Variants in CYP46A1 observed in about 807,000 individuals in gnomAD.
The protein encoded by CYP46A1 is cholesterol 24-hydroxylase.
CYP46A1 carries 20 observed loss-of-function variants against 63.3 expected under a neutral mutation model. That is an observed-to-expected ratio of 0.32 (90% CI 0.22 to 0.46). The LOEUF is 0.46. Ranked by LOEUF, CYP46A1 falls within the 20% of genes least tolerant of loss-of-function variation. The pLI, the probability that CYP46A1 is intolerant of heterozygous loss-of-function variation, is 1.00. For missense variants in CYP46A1, 445 were observed against 670.8 expected (o/e 0.66, Z 3.72); for synonymous variants, 268 against 273.6 (o/e 0.98, Z 0.20).
intron 5 of CYP46A1, among the ~76,000 whole-genome samples, chr14:99,704,774 G>A (rs534351200): frequency 6.6e-6 from 1 of 152,352 alleles, no homozygotes; most frequent in East Asian, 1.9e-4. Context: ...CAAGGGTGCT[G>A]TGGGAGCATA....
In CYP46A1 at chr14:99,706,764, C is replaced by T. The variant is rs1039828180; in HGVS notation, c.561C>T (p.Thr187=). The part of the protein sequence containing the change: ...PVSMQDMLTY[T]AMDILAKAAF... Reference sequence around the variant, plus strand: ...CCATGCAGGACATGCTGACCTACACCGCCATGGACATCCTGGCCAAGGTGA... The same window carrying T: ...CCATGCAGGACATGCTGACCTACACTGCCATGGACATCCTGGCCAAGGTGA... The change falls in exon 6 of 15, where the codon ACC becomes ACT. Residue 187 remains threonine (T), a synonymous_variant. Transcript: ENST00000261835. The T allele has an allele frequency of 1.1e-5, 17 of 1,613,012 alleles. No homozygotes were observed. The highest frequency in any genetic ancestry group is 4.5e-5 in the East Asian group (2 of 44,890).
chr14:99,701,188 A>G lies in CYP46A1; in HGVS notation c.443+1087A>G, dbSNP rs534732151. Among the ~76,000 whole-genome samples the G allele has an allele frequency of 1.8e-3, 281 of 152,328 alleles. 1 individual carries two copies. The highest frequency in any genetic ancestry group is 6.2e-3 in the African/African-American group (259 of 41,576). ...AGTTCTAGTAAGCTAAGGCTAATTT[A>G]TTATTGAAGAAAGAAAAAAAATTTT... On this transcript the variant is annotated intron_variant, in intron 5 of 14. Coordinates refer to ENST00000261835, the MANE Select transcript of CYP46A1 (RefSeq NM_006668.2).
chr14:99,691,371 G>T, intron 2 of CYP46A1: 1 of 602,430 alleles, frequency 1.7e-6, no homozygotes, highest in East Asian at 2.8e-5. Context: ...TAGACCAGCC[G>T]TCAGAAGCTC....
rs1335443138 is a variant in CYP46A1, at chr14:99,726,593, A to G, written c.1369A>G (p.Arg457Gly). 2 of 1,592,248 alleles carry G rather than the reference A, an allele frequency of 1.3e-6. No individual in the cohort carries two copies. Among genetic ancestry groups the G allele is most frequent in the Non-Finnish European group, 1.7e-6 (2 of 1,171,082 alleles). The change falls in exon 15 of 15, where the codon AGG becomes GGG. Residue 457 changes from arginine to glycine, a missense_variant. By Grantham distance (125) the Arg-to-Gly change is moderately radical. This residue lies in a region of CYP46A1 where 85 missense variants were observed against 80.1 expected (regional missense o/e 1.06). Coordinates refer to ENST00000261835, the MANE Select transcript of CYP46A1 (RefSeq NM_006668.2). ...VKVVMAKLLQ[R>G]LEFRLVPGQR... ...GGTGGTCATGGCAAAGCTGCTGCAGAGGCTGGAGTTCCGGCTGGTGCCCGG... is the reference window on the plus strand; with the variant it reads ...GGTGGTCATGGCAAAGCTGCTGCAGGGGCTGGAGTTCCGGCTGGTGCCCGG...
chr14:99,696,529 AG>A (rs1422737231), intron 3 of CYP46A1, among the ~76,000 whole-genome samples: 2 of 152,130 alleles, frequency 1.3e-5, no homozygotes, highest in Non-Finnish European at 2.9e-5. Context: ...ACTTCATCTC[AG>A]TCTACTGTTA....
intron 9 of CYP46A1, among the ~76,000 whole-genome samples, chr14:99,717,159 C>T (rs2056797751): frequency 6.6e-6 from 1 of 152,182 alleles, no homozygotes; most frequent in Admixed American, 6.5e-5. Context: ...GATGAGGCTT[C>T]TGGACAGACC....
intron 7 of CYP46A1, among the ~76,000 whole-genome samples, chr14:99,713,896 G>A (rs930298428): frequency 6.9e-6 from 1 of 144,156 alleles, no homozygotes; most frequent in Non-Finnish European, 1.5e-5. Context: ...AAAAAGACGT[G>A]TGACTATATT....
chr14:99,699,205 T>G (rs1255330690), intron 3 of CYP46A1, among the ~76,000 whole-genome samples: 1 of 152,018 alleles, frequency 6.6e-6, no homozygotes, highest in African/African-American at 2.4e-5. Context: ...AGTGTGACAT[T>G]GGAGTGAGCA....
intron 3 of CYP46A1, chr14:99,695,587 C>A: frequency 6.0e-6 from 1 of 167,772 alleles, no homozygotes; most frequent in Admixed American, 6.5e-5. Context: ...ATTTTGTCTA[C>A]TTTAAGCCAT....
chr14:99,726,489 C>A, intron 14 of CYP46A1, 68 bp from the exon 15 acceptor site: 1 of 1,411,128 alleles, frequency 7.1e-7, no homozygotes, highest in Non-Finnish European at 9.5e-7. Flanking sequence ...GTGACATTTG[C>A]TGCTCATTCA....
chr14:99,711,703 A>G (rs2056733825), intron 7 of CYP46A1: 1 of 152,134 alleles, frequency 6.6e-6, no homozygotes, highest in South Asian at 2.1e-4. Flanking sequence ...CAAACCCATG[A>G]AGAAGAACAC....
chr14:99,703,109 TTGG>T (rs2056645991), intron 5 of CYP46A1, among the ~76,000 whole-genome samples: 1 of 152,202 alleles, frequency 6.6e-6, no homozygotes, highest in Non-Finnish European at 1.5e-5. Context: ...CTATCCCTCT[TTGG>T]TGGTAATGCT....
intron 7 of CYP46A1, chr14:99,707,913 A>G: frequency 2.0e-6 from 1 of 503,706 alleles, no homozygotes; most frequent in East Asian, 3.5e-5. Context: ...ATGATCCCCA[A>G]AGCAGGCAAT....
chr14:99,703,848 G>C, intron 5 of CYP46A1: 1 of 985,340 alleles, frequency 1.0e-6, no homozygotes, highest in Non-Finnish European at 1.2e-6. Flanking sequence ...CAATGAATTG[G>C]AATAGTCTCA....
chr14:99,687,881 G>A (rs1037534053), intron 1 of CYP46A1, among the ~76,000 whole-genome samples: 2 of 152,128 alleles, frequency 1.3e-5, no homozygotes, highest in African/African-American at 4.8e-5. Flanking sequence ...AAGTCCCCAT[G>A]TCTGGCCATG....
At chr14:99,702,302 C>T (rs897261336) in intron 5 of CYP46A1, among the ~76,000 whole-genome samples, 2 of 152,092 alleles carry the variant, frequency 1.3e-5, no homozygotes, top group African/African-American at 4.8e-5. Flanking sequence ...TTTTTATTGT[C>T]AAATAATATT....
rs1197379740 is a variant in CYP46A1, at chr14:99,726,611, G to A, written c.1387G>A (p.Val463Met). 7 of 1,581,578 alleles carry A rather than the reference G, an allele frequency of 4.4e-6. No individual in the cohort carries two copies. The East Asian group carries it at 1.6e-4, about 36-fold the overall frequency. The change falls in exon 15 of 15, where the codon GTG (valine) becomes ATG (methionine). Residue 463 changes from valine to methionine, a missense_variant. By Grantham distance (21) the Val-to-Met change is conservative. Transcript: ENST00000261835. ...GCTGCAGAGGCTGGAGTTCCGGCTG[G>A]TGCCCGGGCAGCGCTTCGGGCTGCA... ...KLLQRLEFRL[V>M]PGQRFGLQEQ... is the part of the protein sequence containing the mutation.
intron 3 of CYP46A1, among the ~76,000 whole-genome samples, chr14:99,698,232 G>GCC (rs2056602045): frequency 6.6e-6 from 1 of 152,008 alleles, no homozygotes; most frequent in African/African-American, 2.4e-5. Context: ...AGGCCTCTGG[G>GCC]CTCTGGGTCC....
At chr14:99,704,094 T>C (rs781077428) in intron 5 of CYP46A1, among the ~76,000 whole-genome samples, 4 of 152,242 alleles carry the variant, frequency 2.6e-5, no homozygotes, top group African/African-American at 7.2e-5. Context: ...AACCTCATGT[T>C]TGAACAGTGC....
Sources: gnomAD v4.1 joint callset for allele counts (sites outside exome capture counted in the v4.1 genomes callset) on GRCh38, gnomAD v4.1.1 for gene constraint, gnomAD v4.1.1 regional missense constraint, MANE v1.5 for transcripts, NCBI Gene and HGNC (gene_info 2026-07-23, HGNC 2026-07-21) for gene names.